The following FBF1 variants were observed in gnomAD, a reference collection of about 807,000 sequenced individuals.
The protein encoded by FBF1 is Fas binding factor 1.
In FBF1, 119 loss-of-function variants were observed where a neutral mutation model predicts 147.2. That is an observed-to-expected ratio of 0.81 (90% CI 0.70 to 0.94). The LOEUF is 0.94. Among genes scored for constraint, FBF1 ranks in the 40% least tolerant of loss-of-function variants. FBF1 has a pLI of 0.00. For missense variants in FBF1, 1,449 were observed against 1,500.8 expected, an observed-to-expected ratio of 0.97 and a Z score of 0.57; for synonymous variants, 601 against 609.0, an observed-to-expected ratio of 0.99 and a Z score of 0.19.
rs2065504850 is a variant in FBF1, at chr17:75,918,725, C to A, written c.2139-456G>T. ...CAGGCTGGTCTCGAACTTCTGAGCTCAGGCAATCTACCCACCTTGGCCTCC... is the reference window on the plus strand; with the variant it reads ...CAGGCTGGTCTCGAACTTCTGAGCTAAGGCAATCTACCCACCTTGGCCTCC... On this transcript the variant is annotated intron_variant, in intron 20 of 29. Transcript: ENST00000636174. This position sits in a 1 kb window ranked among gnomAD's most constrained non-coding sequence, Gnocchi z 5.8. Among the ~76,000 whole-genome samples, 1 of 152,020 alleles carries A rather than the reference C, an allele frequency of 6.6e-6. No homozygotes were observed. Among genetic ancestry groups the A allele is most frequent in the African/African-American group, 2.4e-5 (1 of 41,398 alleles).
At chr17:75,937,711 T>C (rs1447949020) in intron 2 of FBF1, 118 bp from the exon 3 acceptor site, 3 of 1,031,710 alleles carry the variant, frequency 2.9e-6, no homozygotes, top group South Asian at 1.3e-5. Flanking sequence ...AGAGCACCAA[T>C]GGCATTTAGA....
chr17:75,937,642 A>G (rs751310499), intron 2 of FBF1, 49 bp from the exon 3 acceptor site: 2 of 1,608,664 alleles, frequency 1.2e-6, no homozygotes, highest in South Asian at 1.1e-5. Flanking sequence ...CAGTGAACAC[A>G]GGTGGAAATT....
intron 3 of FBF1, among the ~76,000 whole-genome samples, chr17:75,936,106 AG>A (rs1284616431): frequency 6.6e-6 from 1 of 152,192 alleles, no homozygotes; most frequent in Non-Finnish European, 1.5e-5. Context: ...TGAAGTCAGG[AG>A]TTCGAGACCA....
At chr17:75,940,392 AC>A (rs1192884549) in intron 1 of FBF1, among the ~76,000 whole-genome samples, 3 of 152,114 alleles carry the variant, frequency 2.0e-5, no homozygotes, top group Non-Finnish European at 4.4e-5. Context: ...AGCTGGGACC[AC>A]AGGCACACGC....
At chr17:75,921,853 A>G (rs976942224) in intron 15 of FBF1, 92 bp downstream of exon 15, 3 of 1,144,338 alleles carry the variant, frequency 2.6e-6, no homozygotes, top group Admixed American at 2.1e-5. Flanking sequence ...GGGCAGGGGC[A>G]GGGTGAACAG....
rs1372873634 is a variant in FBF1 at position 75,918,069 on chromosome 17, A to T, written c.2248T>A (p.Ser750Thr). The T allele has an allele frequency of 1.9e-6, 3 of 1,607,956 alleles. No homozygotes were observed. The African/African-American group carries it at 4.0e-5, about 21-fold the overall frequency. Residue 750 changes from serine (S) to threonine (T), a missense_variant and splice_region_variant, in exon 22 of 30, where the codon TCC becomes ACC. Coordinates refer to ENST00000636174, the MANE Select transcript of FBF1 (RefSeq NM_001319193.2). The surrounding 1 kb of genome is among the most constrained non-coding windows in gnomAD (Gnocchi z 5.8). ...ATCTGGTGGATGATGCTATTCAGGG[A>T]CCTGGAAGAAGACTGGGTCACCCCC... ...AATSATSHTR[S>T]LNSIIHQMEK...
intron 25 of FBF1, 108 bp from the exon 26 acceptor site, chr17:75,914,406 G>A (rs2065475249): frequency 2.1e-6 from 3 of 1,443,224 alleles, no homozygotes; most frequent in African/African-American, 2.9e-5. Flanking sequence ...AGGAGGTGGT[G>A]GAGCCAGGGG....
At chr17:75,930,469 GC>G (rs1033600482) in intron 6 of FBF1, among the ~76,000 whole-genome samples, 1 of 152,168 alleles carries the variant, frequency 6.6e-6, no homozygotes, top group African/African-American at 2.4e-5. Context: ...CCACTCGGCA[GC>G]CCTTGGGCAT....
At chr17:75,934,746 G>A (rs1215028459) in intron 4 of FBF1, among the ~76,000 whole-genome samples, 1 of 151,908 alleles carries the variant, frequency 6.6e-6, no homozygotes, top group Non-Finnish European at 1.5e-5. Flanking sequence ...GGGCGTGGTG[G>A]CGAGCGCCTG....
rs770622757 is a variant in FBF1, at chr17:75,914,927, G to A, written c.2634C>T (p.Ala878=). 2.5e-6 allele frequency: 4 copies of A among 1,611,428 alleles called. No homozygotes were observed. Among genetic ancestry groups the A allele is most frequent in the African/African-American group, 1.3e-5 (1 of 74,914 alleles). The change falls in exon 25 of 30, where the codon GCC becomes GCT. Residue 878 remains alanine (A), a synonymous_variant. Coordinates refer to ENST00000636174, the MANE Select transcript of FBF1 (RefSeq NM_001319193.2). Reference sequence around the variant, plus strand: ...TGACAGACTTCTGCTCCTCCAGCAAGGCGCTCTGGGATGTGGGGGTGAAGG... The same window carrying A: ...TGACAGACTTCTGCTCCTCCAGCAAAGCGCTCTGGGATGTGGGGGTGAAGG... ...ERAELERAKS[A]LLEEQKSVML...
rs1378075466 is a variant in FBF1, at chr17:75,933,069, A to G, written c.93T>C (p.Pro31=). 1 of 1,605,290 alleles carries G rather than the reference A, an allele frequency of 6.2e-7. No individual in the cohort carries two copies. Among genetic ancestry groups the G allele is most frequent in the Admixed American group, 1.7e-5 (1 of 59,814 alleles). The change falls in exon 5 of 30, where the codon CCT becomes CCC. Residue 31 remains proline (P), a synonymous_variant. Coordinates refer to ENST00000636174, the MANE Select transcript of FBF1 (RefSeq NM_001319193.2). ...LGDDMTLPEK[P]VKLASHTRDT... is the part of the protein sequence containing the mutation. ...CTCTGGTATGTGAAGCTAGTTTAAC[A>G]GGCTTCTCAGGTAGTGTCACTGGAA...
Position 75,938,139 on chromosome 17 carries a change from C to T in FBF1, c.3+8G>A, listed in dbSNP as rs1343517367. On this transcript the variant is annotated splice_region_variant and intron_variant, in intron 2 of 29. Coordinates refer to ENST00000636174, the MANE Select transcript of FBF1 (RefSeq NM_001319193.2). ...CTTTCCATGCATCTTACTCTGAACT[C>T]TGCCTACCATCTCACGGCTCTCGGG... 2.5e-6 allele frequency: 4 copies of T among 1,613,454 alleles called. No homozygotes were observed. The highest frequency in any genetic ancestry group is 1.3e-5 in the African/African-American group (1 of 74,872).
In FBF1 at chr17:75,912,310, G is replaced by GA; in HGVS notation, c.3248-4dup. ...GGTGGGAGCAGGAGGCATGAGGGCT[G>GA]AAAAGGCCAAGGAGGAAGTCAGGGA... On this transcript the variant is annotated splice_region_variant and splice_polypyrimidine_tract_variant and intron_variant, in intron 28 of 29. Coordinates refer to ENST00000636174, the MANE Select transcript of FBF1 (RefSeq NM_001319193.2). 6.3e-7 allele frequency: 1 copy of GA among 1,582,660 alleles called. No homozygotes were observed. The highest frequency in any genetic ancestry group is 2.3e-5 in the East Asian group (1 of 44,148).
At chr17:75,927,602 G>T in intron 8 of FBF1, 70 bp from the exon 9 acceptor site, 1 of 1,431,500 alleles carries the variant, frequency 7.0e-7, no homozygotes, top group South Asian at 1.2e-5. Flanking sequence ...CCATATCATG[G>T]ACTGGGGCCC....
intron 4 of FBF1, among the ~76,000 whole-genome samples, chr17:75,934,879 C>CA (rs1028679601): frequency 0.053 from 2,954 of 55,226 alleles, 109 homozygotes; most frequent in African/African-American, 0.13. Flanking sequence ...AACTCTGTCT[C>CA]AAAAAAAAAA....
intron 2 of FBF1, 116 bp from the exon 3 acceptor site, chr17:75,937,709 A>G: frequency 9.6e-7 from 1 of 1,044,100 alleles, no homozygotes; most frequent in East Asian, 2.4e-5. Flanking sequence ...CAAGAGCACC[A>G]ATGGCATTTA....
At position 75,926,275 on chromosome 17, in the gene FBF1, C is replaced by T; in HGVS notation, c.734+13G>A. ...ACCTGAGGCAGCAGCCTGGCCTACT[C>T]AGGGATCCTTACTGGTCTCCTATCT... On this transcript the variant is annotated intron_variant, in intron 11 of 29. Coordinates refer to ENST00000636174, the MANE Select transcript of FBF1 (RefSeq NM_001319193.2). 2 of 1,612,590 alleles carry T rather than the reference C, an allele frequency of 1.2e-6. No individual in the cohort carries two copies. The highest frequency in any genetic ancestry group is 1.7e-6 in the Non-Finnish European group (2 of 1,179,486).
At chr17:75,934,879 C>CAAAA (rs1028679601) in intron 4 of FBF1, among the ~76,000 whole-genome samples, 5 of 55,630 alleles carry the variant, frequency 9.0e-5, no homozygotes, top group Admixed American at 4.1e-4. Flanking sequence ...AACTCTGTCT[C>CAAAA]AAAAAAAAAA....
chr17:75,910,048 C>T lies in FBF1; in HGVS notation c.*675G>A, dbSNP rs1204629733. ...CCACCATCGCCACAGCTCCCTCCGC[C>T]GCCGGTGGGGCACCCAGATGGGGAG... On this transcript the variant is annotated 3_prime_UTR_variant, in exon 30 of 30. Transcript: ENST00000636174. The surrounding 1 kb of genome is among the most constrained non-coding windows in gnomAD (Gnocchi z 4.1). 23 of 641,878 alleles carry T rather than the reference C, an allele frequency of 3.6e-5. 1 individual carries two copies. The highest frequency in any genetic ancestry group is 2.3e-4 in the South Asian group (15 of 66,088). The allele number at this position is 641,878 out of a possible 1,614,324, so 39.8% of individuals were successfully genotyped here. A position where few individuals can be genotyped will look rare whatever the true frequency, so the allele number is the denominator to read the frequency against.
Sources: allele counts gnomAD v4.1 joint callset (sites outside exome capture counted in the v4.1 genomes callset), GRCh38; gene constraint gnomAD v4.1.1; non-coding constraint Gnocchi (gnomAD v3.1); transcripts MANE v1.5; gene names NCBI Gene and HGNC (gene_info 2026-07-23, HGNC 2026-07-21).